USP43: variants seen among roughly 807,000 people sequenced by gnomAD.
USP43 encodes the protein ubiquitin specific peptidase 43.
In USP43, 33 loss-of-function variants were observed where a neutral mutation model predicts 90.7. The ratio of observed to expected loss-of-function variants is 0.36; its 90% CI spans 0.28 to 0.49. USP43 has a LOEUF of 0.49. USP43 is among the 20% of genes least tolerant of loss of function. USP43 has a pLI of 0.98. For missense variants in USP43, 1,274 were observed against 1,476.4 expected (o/e 0.86, Z 2.25); for synonymous variants, 598 against 615.8 (o/e 0.97, Z 0.43).
intron 3 of USP43, among the ~76,000 whole-genome samples, chr17:9,672,309 T>G (rs777625460): frequency 6.6e-6 from 1 of 152,216 alleles, no homozygotes; most frequent in African/African-American, 2.4e-5. Flanking sequence ...GTTTTCATTC[T>G]TTCAATATAA....
chr17:9,699,160 C>T (rs1028652239), intron 9 of USP43, among the ~76,000 whole-genome samples: 5 of 152,306 alleles, frequency 3.3e-5, no homozygotes, highest in East Asian at 3.9e-4. Flanking sequence ...AATGACAGGA[C>T]GTAGAGCCCA....
chr17:9,648,538 C>A (rs992117023), intron 1 of USP43, among the ~76,000 whole-genome samples: 24 of 152,140 alleles, frequency 1.6e-4, no homozygotes, highest in Non-Finnish European at 8.8e-5. Context: ...ATGACAGTTA[C>A]AGCAGGAAAA....
At chr17:9,699,343 G>C (rs1915443311) in intron 9 of USP43, among the ~76,000 whole-genome samples, 2 of 152,128 alleles carry the variant, frequency 1.3e-5, no homozygotes, top group Admixed American at 1.3e-4. Flanking sequence ...GACACGCCTT[G>C]TTCCTCACTC....
rs372649316 is a variant in USP43 at position 9,701,310 on chromosome 17, C to T, written c.1663-42C>T. The T allele has an allele frequency of 1.6e-5, 26 of 1,587,316 alleles. No individual in the cohort carries two copies. Among genetic ancestry groups the T allele is most frequent in the East Asian group, 6.8e-5 (3 of 43,844 alleles). ...CTGGCTGCCTTTGGTGGGTTGGCCA[C>T]GTGCTGCGGGGGCCTCACAGTCCGG... On this transcript the variant is annotated intron_variant, in intron 11 of 14. Coordinates refer to ENST00000285199, the MANE Select transcript of USP43 (RefSeq NM_153210.5). The surrounding 1 kb of genome is among the most constrained non-coding windows in gnomAD (Gnocchi z 7.2).
At chr17:9,698,819 G>C (rs1296771281) in intron 9 of USP43, among the ~76,000 whole-genome samples, 3 of 152,202 alleles carry the variant, frequency 2.0e-5, no homozygotes, top group African/African-American at 7.2e-5. Flanking sequence ...TAAATTTTAG[G>C]TTTATTCATA....
chr17:9,675,416 T>C (rs896544019), intron 4 of USP43, among the ~76,000 whole-genome samples: 8 of 152,054 alleles, frequency 5.3e-5, no homozygotes, highest in African/African-American at 1.9e-4. Flanking sequence ...AAGGGGTTGT[T>C]TGGGGAAGAT....
At chr17:9,707,809 A>G (rs1915973033) in intron 12 of USP43, among the ~76,000 whole-genome samples, 1 of 152,154 alleles carries the variant, frequency 6.6e-6, no homozygotes, top group African/African-American at 2.4e-5. Flanking sequence ...CATTGCACAA[A>G]TGTATATTAA....
chr17:9,682,769 C>A (rs1172599162), intron 6 of USP43, 54 bp from the exon 7 acceptor site: 1 of 1,589,614 alleles, frequency 6.3e-7, no homozygotes, highest in Non-Finnish European at 8.6e-7. Flanking sequence ...AGGCTCTGAC[C>A]CAGGAAAGCA....
At chr17:9,669,205 C>T (rs542381616) in intron 3 of USP43, among the ~76,000 whole-genome samples, 116 of 151,842 alleles carry the variant, frequency 7.6e-4, no homozygotes, top group African/African-American at 2.7e-3. Context: ...AATAAGGAGA[C>T]AGAGGAAAAG....
intron 14 of USP43, 120 bp downstream of exon 14, chr17:9,712,252 G>C: frequency 1.6e-6 from 2 of 1,241,174 alleles, no homozygotes; most frequent in Non-Finnish European, 2.1e-6. Flanking sequence ...ATTACGAGAG[G>C]TTTGTTCATC....
At chr17:9,653,179 C>T (rs1911997521) in intron 1 of USP43, among the ~76,000 whole-genome samples, 1 of 152,154 alleles carries the variant, frequency 6.6e-6, no homozygotes, top group Non-Finnish European at 1.5e-5. Context: ...GTTGTCACCT[C>T]CTTTCTGAAA....
At chr17:9,666,062 G>C (rs1255125790) in intron 2 of USP43, among the ~76,000 whole-genome samples, 2 of 152,204 alleles carry the variant, frequency 1.3e-5, no homozygotes, top group Non-Finnish European at 2.9e-5. Flanking sequence ...TGCTGTCACA[G>C]CCACAGGAAA....
rs540814966 is a variant in USP43, at chr17:9,671,561, G to A, written c.741-3330G>A. Among the ~76,000 whole-genome samples, 10 of 152,324 alleles carry A rather than the reference G, an allele frequency of 6.6e-5. No homozygotes were observed. The East Asian group carries it at 1.7e-3, about 26-fold the overall frequency. ...CAGGGGCAAAGCCTGGGGCTCTTTG[G>A]TGGGCGTTTGTAGCAGGTGGAAAAG... is the stretch of plus-strand genomic sequence containing the variant. On this transcript the variant is annotated intron_variant, in intron 3 of 14. Transcript: ENST00000285199.
chr17:9,663,790 A>AT (rs1476417938), intron 2 of USP43, among the ~76,000 whole-genome samples: 2 of 150,896 alleles, frequency 1.3e-5, no homozygotes, highest in African/African-American at 2.4e-5. Flanking sequence ...CGCCTGGCTA[A>AT]TTTTTTGTAT....
In USP43 at chr17:9,688,174, A is replaced by G. The variant is rs375033495; in HGVS notation, c.1353+1265A>G. 3.5e-3 allele frequency among the ~76,000 whole-genome samples: 530 copies of G among 150,242 alleles called. 5 individuals carry two copies. The highest frequency in any genetic ancestry group is 0.012 in the African/African-American group (507 of 40,824). On this transcript the variant is annotated intron_variant, in intron 8 of 14. Transcript: ENST00000285199. ...CTAACTTTTTTGTATTTTTTAGTAG[A>G]GACGGGGTTTCACTGTGTTAGCCAG... is the stretch of plus-strand genomic sequence containing the variant.
At chr17:9,677,756 C>A (rs1913883030) in intron 5 of USP43, among the ~76,000 whole-genome samples, 1 of 152,062 alleles carries the variant, frequency 6.6e-6, no homozygotes, top group South Asian at 2.1e-4. Flanking sequence ...TTTTTCAAAT[C>A]AAAAAATATT....
chr17:9,695,012 G>A (rs550823773), intron 9 of USP43, among the ~76,000 whole-genome samples: 36 of 152,270 alleles, frequency 2.4e-4, no homozygotes, highest in African/African-American at 8.4e-4. Context: ...TTTGAGAAGC[G>A]CTAGAATTGA....
chr17:9,728,604 C>A lies in USP43; in HGVS notation c.2986C>A (p.Leu996Ile). 5.6e-6 allele frequency: 9 copies of A among 1,613,866 alleles called. No homozygotes were observed. Among genetic ancestry groups the A allele is most frequent in the Non-Finnish European group, 7.6e-6 (9 of 1,179,838 alleles). The change falls in exon 15 of 15, where the codon CTC becomes ATC. Residue 996 changes from leucine to isoleucine, a missense_variant. Leu to Ile is a conservative substitution (Grantham distance 5, BLOSUM62 2). Coordinates refer to ENST00000285199, the MANE Select transcript of USP43 (RefSeq NM_153210.5). The surrounding 1 kb of genome is among the most constrained non-coding windows in gnomAD (Gnocchi z 6.2). ...GCTAGACAGACCCCTGCAGGGGACA[C>A]TCACCCTTCTGAGGTCCGTGTTTCG... ...SELDRPLQGT[L>I]TLLRSVFRKK...
At position 9,728,585 on chromosome 17, in the gene USP43, C is replaced by A. The variant is rs769206216; in HGVS notation, c.2967C>A (p.Asp989Glu). 6.2e-7 allele frequency: 1 copy of A among 1,613,826 alleles called. No individual in the cohort carries two copies. The highest frequency in any genetic ancestry group is 8.5e-7 in the Non-Finnish European group (1 of 1,179,878). ...KDSRRGTSELDRPLQGTLTLL... is the reference protein window; with the variant it reads ...KDSRRGTSELERPLQGTLTLL... ...GTCGCCGAGGCACCTCTGAGCTAGA[C>A]AGACCCCTGCAGGGGACACTCACCC... The change falls in exon 15 of 15, where the codon GAC becomes GAA. Residue 989 changes from aspartate to glutamate, a missense_variant. Around this residue, in one of 6 missense-constraint regions of USP43, gnomAD observed 353 missense variants for 329.7 expected, o/e 1.07. Transcript: ENST00000285199. This position sits in a 1 kb window ranked among gnomAD's most constrained non-coding sequence, Gnocchi z 6.2.
Sources: gnomAD v4.1 joint callset for allele counts (sites outside exome capture counted in the v4.1 genomes callset) on GRCh38, gnomAD v4.1.1 for gene constraint, gnomAD v4.1.1 regional missense constraint, Gnocchi (gnomAD v3.1) non-coding constraint, MANE v1.5 for transcripts, NCBI Gene and HGNC (gene_info 2026-07-23, HGNC 2026-07-21) for gene names.